The following PIK3C2A variants were observed in gnomAD, a reference collection of about 807,000 sequenced individuals.
PIK3C2A encodes phosphatidylinositol-4-phosphate 3-kinase catalytic subunit type 2 alpha.
PIK3C2A carries 97 observed loss-of-function variants against 204.5 expected under a neutral mutation model. The ratio of observed to expected loss-of-function variants is 0.47; its 90% CI spans 0.40 to 0.56. The LOEUF (loss-of-function observed/expected upper bound fraction) is 0.56, where lower values mean the gene tolerates loss of function less well. Ranked by LOEUF, PIK3C2A falls within the 20% of genes least tolerant of loss-of-function variation. PIK3C2A has a pLI of 0.00. For synonymous variants in PIK3C2A, 653 were observed against 664.4 expected (o/e 0.98, Z 0.26); for missense variants, 1,735 against 1,969.2 (o/e 0.88, Z 2.25).
intron 1 of PIK3C2A, among the ~76,000 whole-genome samples, chr11:17,199,417 C>T (rs960049085): frequency 6.6e-6 from 1 of 152,192 alleles, no homozygotes; most frequent in Non-Finnish European, 1.5e-5. Flanking sequence ...CACTAATACT[C>T]ATAGCAGCAT....
At chr11:17,159,291 C>T (rs1439306468) in intron 2 of PIK3C2A, among the ~76,000 whole-genome samples, 1 of 152,210 alleles carries the variant, frequency 6.6e-6, no homozygotes, top group African/African-American at 2.4e-5. Context: ...GCAATCCTCA[C>T]ACTGTATAAC....
At position 17,110,571 on chromosome 11, in the gene PIK3C2A, A is replaced by G; in HGVS notation, c.3415-10T>C. On this transcript the variant is annotated splice_polypyrimidine_tract_variant and intron_variant, in intron 21 of 32. Transcript: ENST00000691414. ...GAAGATCTTCACCAACCTTGAAATC[A>G]AGGAAACAAAATGAAACTTGTACAT... 6.2e-7 allele frequency: 1 copy of G among 1,603,548 alleles called. No homozygotes were observed. Among genetic ancestry groups the G allele is most frequent in the South Asian group, 1.1e-5 (1 of 89,486 alleles).
intron 1 of PIK3C2A, among the ~76,000 whole-genome samples, chr11:17,183,727 T>A (rs1332579630): frequency 1.3e-5 from 2 of 151,504 alleles, no homozygotes; most frequent in South Asian, 4.2e-4. Context: ...TATGTACATA[T>A]AGGAAAAAAC....
intron 2 of PIK3C2A, among the ~76,000 whole-genome samples, chr11:17,157,791 T>C (rs1401325955): frequency 6.6e-6 from 1 of 152,224 alleles, no homozygotes; most frequent in African/African-American, 2.4e-5. Context: ...AATCAATTTG[T>C]ATTACAGAAG....
At chr11:17,160,310 T>C (rs1850733100) in intron 2 of PIK3C2A, among the ~76,000 whole-genome samples, 1 of 152,026 alleles carries the variant, frequency 6.6e-6, no homozygotes, top group African/African-American at 2.4e-5. Context: ...GTTTAAAGGC[T>C]AGACAAAGAA....
intron 12 of PIK3C2A, 106 bp downstream of exon 12, chr11:17,131,810 G>T: frequency 4.7e-6 from 4 of 854,954 alleles, no homozygotes; most frequent in East Asian, 2.5e-5. Context: ...AGAAGTTAAT[G>T]AATTTCAATG....
chr11:17,196,639 C>G (rs184330909), intron 1 of PIK3C2A, among the ~76,000 whole-genome samples: 7,045 of 152,060 alleles, frequency 0.046, 252 homozygotes, highest in Non-Finnish European at 0.066. Context: ...GCTCGATCTC[C>G]GCTCACTGCA....
chr11:17,096,376 A>G (rs1848457685), intron 27 of PIK3C2A, among the ~76,000 whole-genome samples: 1 of 152,180 alleles, frequency 6.6e-6, no homozygotes, highest in Admixed American at 6.5e-5. Context: ...TTTAAAGCAT[A>G]TAATACTGGT....
intron 15 of PIK3C2A, among the ~76,000 whole-genome samples, chr11:17,121,975 T>A (rs1231440732): frequency 2.0e-5 from 3 of 150,974 alleles, no homozygotes; most frequent in Non-Finnish European, 3.0e-5. Context: ...TATATAATTT[T>A]AAAAATAACT....
At chr11:17,147,373 T>C (rs1850275198) in intron 6 of PIK3C2A, 144 bp downstream of exon 6, 2 of 584,832 alleles carry the variant, frequency 3.4e-6, no homozygotes, top group Middle Eastern at 2.8e-4. Context: ...TCCCCTCATT[T>C]GCTAAGAAGA....
chr11:17,120,913 G>A (rs1379850476), intron 15 of PIK3C2A, among the ~76,000 whole-genome samples: 7 of 151,948 alleles, frequency 4.6e-5, no homozygotes, highest in Non-Finnish European at 1.0e-4. Flanking sequence ...AGGTTCAAGC[G>A]ATTCTCCTGC....
At chr11:17,205,861 CTTTAA>C (rs1852553161) in intron 1 of PIK3C2A, among the ~76,000 whole-genome samples, 1 of 152,204 alleles carries the variant, frequency 6.6e-6, no homozygotes, top group Non-Finnish European at 1.5e-5. Flanking sequence ...TGGCTCAAGT[CTTTAA>C]TCCCAGCACT....
At chr11:17,112,432 G>A (rs974911719) in intron 21 of PIK3C2A, 142 bp downstream of exon 21, 14 of 351,456 alleles carry the variant, frequency 4.0e-5, no homozygotes, top group East Asian at 3.4e-4. Flanking sequence ...CAGCCTGAGC[G>A]TCAGAACAAG....
At position 17,086,909 on chromosome 11, in the gene PIK3C2A, A is replaced by G. The variant is rs867008724; in HGVS notation, c.*2829T>C. On this transcript the variant is annotated 3_prime_UTR_variant, in exon 33 of 33. Transcript: ENST00000691414. ...GAATAGGCAACTAATTTAAGGCAAGATATTGAAACTTTTATACAACTTTAA... is the reference window on the plus strand; with the variant it reads ...GAATAGGCAACTAATTTAAGGCAAGGTATTGAAACTTTTATACAACTTTAA... 4 of 152,336 alleles carry G rather than the reference A, an allele frequency of 2.6e-5. No homozygotes were observed. Among genetic ancestry groups the G allele is most frequent in the Middle Eastern group, 3.4e-3 (1 of 294 alleles). 9.4% of individuals were successfully genotyped at this position (152,336 alleles called of 1,614,324 possible).
intron 2 of PIK3C2A, among the ~76,000 whole-genome samples, chr11:17,160,330 A>C (rs1477784915): frequency 6.6e-6 from 1 of 152,204 alleles, no homozygotes; most frequent in Non-Finnish European, 1.5e-5. Context: ...AAAAGGAGTC[A>C]AAAATCACAG....
intron 12 of PIK3C2A, among the ~76,000 whole-genome samples, chr11:17,130,526 C>T (rs752158394): frequency 4.6e-5 from 7 of 152,210 alleles, no homozygotes; most frequent in East Asian, 1.9e-4. Flanking sequence ...TATTTTAGGC[C>T]GGGCACAGTG....
At chr11:17,137,492 G>GCCT (rs1849913582) in intron 8 of PIK3C2A, among the ~76,000 whole-genome samples, 1 of 133,654 alleles carries the variant, frequency 7.5e-6, no homozygotes, top group Admixed American at 9.1e-5. Flanking sequence ...TTGGCTCACT[G>GCCT]CAACCTCCTG....
intron 23 of PIK3C2A, 134 bp from the exon 24 acceptor site, chr11:17,102,965 G>C: frequency 5.3e-6 from 3 of 565,332 alleles, no homozygotes; most frequent in Non-Finnish European, 9.0e-6. Context: ...TACAAACTGG[G>C]ATATAGTAAT....
chr11:17,119,006 GA>G (rs1255586122), intron 17 of PIK3C2A, among the ~76,000 whole-genome samples: 2 of 152,086 alleles, frequency 1.3e-5, no homozygotes, highest in Non-Finnish European at 2.9e-5. Context: ...TAAAAAGTCT[GA>G]AAACTAAAAA....
Sources: gnomAD v4.1 joint callset for allele counts (sites outside exome capture counted in the v4.1 genomes callset) on GRCh38, gnomAD v4.1.1 for gene constraint, MANE v1.5 for transcripts, NCBI Gene and HGNC (gene_info 2026-07-23, HGNC 2026-07-21) for gene names.